Variants in ASTN2 observed in about 807,000 individuals in gnomAD.
ASTN2 encodes the protein astrotactin-2.
In ASTN2, 54 loss-of-function variants were observed where a neutral mutation model predicts 139.8. The observed-to-expected ratio is 0.39, with a 90% confidence interval of 0.31 to 0.48. ASTN2 has a LOEUF of 0.48. ASTN2 is among the 20% of genes least tolerant of loss of function. ASTN2 has a pLI of 0.95. For synonymous variants in ASTN2, 756 were observed against 719.5 expected, an observed-to-expected ratio of 1.05 and a Z score of -0.81; for missense variants, 1,565 against 1,725.1, an observed-to-expected ratio of 0.91 and a Z score of 1.64.
chr9:116,915,177 A>G (rs1055648054), intron 10 of ASTN2, among the ~76,000 whole-genome samples: 1 of 152,182 alleles, frequency 6.6e-6, no homozygotes, highest in Non-Finnish European at 1.5e-5. Context: ...TACAAAGCAA[A>G]TATCTGGGCT....
chr9:116,987,956 C>G (rs7022132), intron 7 of ASTN2, among the ~76,000 whole-genome samples: 148,276 of 152,314 alleles, frequency 0.97, 72,298 homozygotes, highest in East Asian at 1. Flanking sequence ...ATCCTGGTGG[C>G]ATGGAGCAAA....
intron 2 of ASTN2, among the ~76,000 whole-genome samples, chr9:117,258,770 T>A (rs1833752604): frequency 6.6e-6 from 1 of 152,120 alleles, no homozygotes; most frequent in Non-Finnish European, 1.5e-5. Flanking sequence ...CTCCTTGTGC[T>A]TGCATATGTT....
At chr9:116,850,855 G>C (rs1277788895) in intron 11 of ASTN2, among the ~76,000 whole-genome samples, 2 of 152,168 alleles carry the variant, frequency 1.3e-5, no homozygotes, top group African/African-American at 4.8e-5. Flanking sequence ...GTCTACACCA[G>C]AGGGAATCAT....
intron 19 of ASTN2, among the ~76,000 whole-genome samples, chr9:116,526,502 A>T (rs1449574723): frequency 1.3e-5 from 2 of 152,050 alleles, no homozygotes; most frequent in African/African-American, 4.8e-5. Flanking sequence ...CATGCCTGTA[A>T]TCCCAGCCAC....
chr9:117,102,996 T>C (rs185101348), intron 4 of ASTN2, among the ~76,000 whole-genome samples: 243 of 152,116 alleles, frequency 1.6e-3, no homozygotes, highest in African/African-American at 5.5e-3. Flanking sequence ...AAGAATTACA[T>C]AGCCACCTTG....
At chr9:117,371,760 T>A (rs1829997128) in intron 1 of ASTN2, among the ~76,000 whole-genome samples, 1 of 152,104 alleles carries the variant, frequency 6.6e-6, no homozygotes, top group Non-Finnish European at 1.5e-5. Flanking sequence ...CACTGATGGA[T>A]CATCAGTGGA....
At chr9:117,003,862 C>T (rs557753736) in intron 7 of ASTN2, among the ~76,000 whole-genome samples, 2 of 151,434 alleles carry the variant, frequency 1.3e-5, no homozygotes, top group South Asian at 4.2e-4. Flanking sequence ...ATCTAAGGGG[C>T]CAGATGCAGA....
At chr9:116,938,995 G>T (rs1461746636) in intron 10 of ASTN2, among the ~76,000 whole-genome samples, 2 of 152,124 alleles carry the variant, frequency 1.3e-5, no homozygotes, top group Non-Finnish European at 2.9e-5. Flanking sequence ...TCCTATTAGG[G>T]TACCCACTCT....
intron 13 of ASTN2, among the ~76,000 whole-genome samples, chr9:116,801,693 C>T (rs1159781646): frequency 1.3e-5 from 2 of 150,000 alleles, no homozygotes; most frequent in Non-Finnish European, 3.0e-5. Context: ...TGCCTTTCCA[C>T]AGTGGGGAGG....
At chr9:116,829,406 A>G (rs1417034659) in intron 11 of ASTN2, among the ~76,000 whole-genome samples, 1 of 151,828 alleles carries the variant, frequency 6.6e-6, no homozygotes, top group Non-Finnish European at 1.5e-5. Context: ...CACACTGGTA[A>G]AATGATACTC....
intron 6 of ASTN2, among the ~76,000 whole-genome samples, chr9:117,036,669 A>G (rs536878640): frequency 1.3e-5 from 2 of 152,210 alleles, no homozygotes; most frequent in African/African-American, 2.4e-5. Context: ...AAGTTATTCA[A>G]ATTGGCCAAT....
intron 19 of ASTN2, among the ~76,000 whole-genome samples, chr9:116,616,896 C>A (rs1855885513): frequency 6.6e-6 from 1 of 152,170 alleles, no homozygotes; most frequent in Non-Finnish European, 1.5e-5. Flanking sequence ...ACAGACACTT[C>A]AGTTTGCCTA....
intron 13 of ASTN2, among the ~76,000 whole-genome samples, chr9:116,757,113 C>T (rs1234262542): frequency 6.6e-6 from 1 of 152,116 alleles, no homozygotes; most frequent in African/African-American, 2.4e-5. Context: ...AGGGCAGCTC[C>T]TAGTGAGGAA....
At position 117,414,767 on chromosome 9, in the gene ASTN2, C is replaced by G; in HGVS notation, c.172G>C (p.Glu58Gln). Residue 58 changes from glutamate to glutamine, a missense_variant, in exon 1 of 23, where the codon GAG becomes CAG. This residue lies in a region of ASTN2 where 596 missense variants were observed against 576.8 expected (regional missense o/e 1.03). Transcript: ENST00000313400. This position sits in a 1 kb window ranked among gnomAD's most constrained non-coding sequence, Gnocchi z 4.2. ...TTCAGCCGGCACGGGCTGTCGGGCT[C>G]CCGCGAGGCAGCGGCGGTGGCGCCG... ...LAGATAAASR[E>Q]PDSPCRLKTV... is the part of the protein sequence containing the mutation. 7.9e-7 allele frequency: 1 copy of G among 1,265,772 alleles called. No homozygotes were observed. The highest frequency in any genetic ancestry group is 1.6e-5 in the African/African-American group (1 of 63,150). The allele number at this position is 1,265,772 out of a possible 1,614,324, so 78.4% of individuals were successfully genotyped here. A position where few individuals can be genotyped will look rare whatever the true frequency, so the allele number is the denominator to read the frequency against.
chr9:116,467,912 T>A (rs1039070275), intron 20 of ASTN2, among the ~76,000 whole-genome samples: 5 of 152,206 alleles, frequency 3.3e-5, no homozygotes, highest in African/African-American at 9.6e-5. Context: ...GCTCTGCAGC[T>A]CAGCCTAGTG....
intron 1 of ASTN2, among the ~76,000 whole-genome samples, chr9:117,298,362 A>T (rs940625360): frequency 2.0e-5 from 3 of 152,162 alleles, no homozygotes; most frequent in African/African-American, 7.2e-5. Flanking sequence ...GCTGCATAAG[A>T]TCACAGGGTC....
At chr9:116,752,382 A>G (rs2132155667) in intron 13 of ASTN2, among the ~76,000 whole-genome samples, 1 of 152,332 alleles carries the variant, frequency 6.6e-6, no homozygotes, top group Middle Eastern at 3.4e-3. Context: ...AAAAATAAAA[A>G]TAACTCAAAA....
chr9:117,259,448 G>A (rs943468617), intron 2 of ASTN2, among the ~76,000 whole-genome samples: 1 of 152,032 alleles, frequency 6.6e-6, no homozygotes. Context: ...TCCTCCCTTT[G>A]GGAATTTGGG....
chr9:117,277,330 A>G (rs1386636558), intron 2 of ASTN2: 2 of 152,240 alleles, frequency 1.3e-5, no homozygotes, highest in Non-Finnish European at 2.9e-5. Flanking sequence ...TCTTTTAAAC[A>G]AACACACAAG....
Sources: gnomAD v4.1 joint callset for allele counts (sites outside exome capture counted in the v4.1 genomes callset) on GRCh38, gnomAD v4.1.1 for gene constraint, gnomAD v4.1.1 regional missense constraint, Gnocchi (gnomAD v3.1) non-coding constraint, MANE v1.5 for transcripts, NCBI Gene and HGNC (gene_info 2026-07-23, HGNC 2026-07-21) for gene names.